Variants in LIPI observed in about 807,000 individuals in gnomAD.
LIPI encodes lipase member I.
A neutral mutation model predicts 50.6 loss-of-function variants in LIPI; 59 were observed. The observed-to-expected ratio is 1.16, with a 90% CI of 0.94 to 1.45. LIPI has a LOEUF of 1.45. Among genes scored for constraint, LIPI ranks in the 40% most tolerant of loss-of-function variants. The probability of loss-of-function intolerance (pLI) is 0.00; values close to 1 mark genes in which losing one functional copy is unlikely to be tolerated. For synonymous variants in LIPI, 203 were observed against 178.2 expected, an observed-to-expected ratio of 1.14 and a Z score of -1.11; for missense variants, 586 against 536.3, an observed-to-expected ratio of 1.09 and a Z score of -0.92.
Position 14,203,484 on chromosome 21 carries a change from C to G in LIPI, c.46+7316G>C, listed in dbSNP as rs1457165242. Among the ~76,000 whole-genome samples, 4 of 152,058 alleles carry G rather than the reference C, an allele frequency of 2.6e-5. No individual in the cohort carries two copies. In the South Asian group the frequency reaches 8.3e-4, roughly 32 times the overall value. On this transcript the variant is annotated intron_variant, in intron 1 of 9. Transcript: ENST00000681601. ...ATTAAGAAAATGTGGCACATATACACCATGGAATACTATGCAGCCATAAAA... is the reference window on the plus strand; with the variant it reads ...ATTAAGAAAATGTGGCACATATACAGCATGGAATACTATGCAGCCATAAAA...
intron 9 of LIPI, among the ~76,000 whole-genome samples, chr21:14,121,594 A>T (rs1196405256): frequency 6.6e-6 from 1 of 152,200 alleles, no homozygotes; most frequent in African/African-American, 2.4e-5. Flanking sequence ...GATGCAATAC[A>T]TCCCTTTAAA....
intron 4 of LIPI, among the ~76,000 whole-genome samples, chr21:14,168,672 T>C (rs1321686298): frequency 6.6e-6 from 1 of 152,070 alleles, no homozygotes; most frequent in Non-Finnish European, 1.5e-5. Flanking sequence ...GCTGAGAGAT[T>C]TTTGTCACCA....
At chr21:14,188,719 T>C (rs964921240) in intron 2 of LIPI, among the ~76,000 whole-genome samples, 5 of 152,112 alleles carry the variant, frequency 3.3e-5, no homozygotes, top group African/African-American at 1.2e-4. Flanking sequence ...GATAACTATT[T>C]TATTCTGAGG....
rs982624793 is a variant in LIPI at position 14,182,827 on chromosome 21, T to G, written c.542-968A>C. Among the ~76,000 whole-genome samples the G allele has an allele frequency of 8.5e-5, 13 of 152,064 alleles. No homozygotes were observed. In the East Asian group the frequency reaches 2.1e-3, roughly 25 times the overall value. ...AGGAGAACTACAAACCACTGCTCAATGAAATAAAAGAGGATACAAACAAAT... is the reference window on the plus strand; with the variant it reads ...AGGAGAACTACAAACCACTGCTCAAGGAAATAAAAGAGGATACAAACAAAT... On this transcript the variant is annotated intron_variant, in intron 3 of 9. Transcript: ENST00000681601.
Position 14,189,199 on chromosome 21 carries a change from G to T in LIPI, c.267C>A (p.Ile89=). ...LIHGYRPVGS[I]PLWLQNFVRI... ...TTACGAAGTTCTGAAGCCATAATGGGATGGAGCCTACTGGTCTGTATCCGT... is the reference window on the plus strand; with the variant it reads ...TTACGAAGTTCTGAAGCCATAATGGTATGGAGCCTACTGGTCTGTATCCGT... The change falls in exon 2 of 10, where the codon ATC becomes ATA. Residue 89 remains isoleucine, a synonymous_variant. Transcript: ENST00000681601. The T allele has an allele frequency of 6.2e-7, 1 of 1,614,070 alleles. No individual in the cohort carries two copies. Among genetic ancestry groups the T allele is most frequent in the Non-Finnish European group, 8.5e-7 (1 of 1,179,978 alleles).
rs1012553714 is a variant in LIPI at position 14,180,073 on chromosome 21, G to A, written c.643+1685C>T. 7.2e-5 allele frequency among the ~76,000 whole-genome samples: 11 copies of A among 152,142 alleles called. No individual in the cohort carries two copies. The East Asian group carries it at 9.7e-4, about 13-fold the overall frequency. On this transcript the variant is annotated intron_variant, in intron 4 of 9. Transcript: ENST00000681601. ...CCTGGGAGGAGATCTATAAATGGCC[G>A]CTCTGGGAATGTCTGTCTTATGTGG... is the stretch of plus-strand genomic sequence containing the variant.
At chr21:14,115,974 C>A (rs73891885) in intron 9 of LIPI, among the ~76,000 whole-genome samples, 7,359 of 151,724 alleles carry the variant, frequency 0.049, 302 homozygotes, top group African/African-American at 0.11. Context: ...AGCTTGCTGG[C>A]AGGGTGACAA....
chr21:14,162,323 G>A (rs1381065735), intron 7 of LIPI, among the ~76,000 whole-genome samples: 6 of 151,588 alleles, frequency 4.0e-5, no homozygotes, highest in Non-Finnish European at 7.4e-5. Context: ...GATGGGGTAC[G>A]TAGTTTTAAA....
At chr21:14,187,074 T>A (rs1274351188) in intron 2 of LIPI, among the ~76,000 whole-genome samples, 3 of 152,198 alleles carry the variant, frequency 2.0e-5, no homozygotes, top group Non-Finnish European at 4.4e-5. Context: ...TCACAAAAGT[T>A]CAATAATGAT....
chr21:14,197,708 T>C (rs2019910255), intron 1 of LIPI, among the ~76,000 whole-genome samples: 1 of 151,888 alleles, frequency 6.6e-6, no homozygotes, highest in Non-Finnish European at 1.5e-5. Context: ...CAGGATATCA[T>C]CCAGAAAAAT....
chr21:14,143,258 T>C (rs1411059818), intron 9 of LIPI, among the ~76,000 whole-genome samples: 2 of 152,136 alleles, frequency 1.3e-5, no homozygotes, highest in African/African-American at 4.8e-5. Flanking sequence ...CTATATACTT[T>C]CATAGGGAAT....
intron 8 of LIPI, among the ~76,000 whole-genome samples, chr21:14,148,250 G>C (rs2017973719): frequency 6.6e-6 from 1 of 151,904 alleles, no homozygotes; most frequent in South Asian, 2.1e-4. Flanking sequence ...ATTCCTGGAT[G>C]GTATAATTAC....
At chr21:14,192,056 C>T (rs2019695439) in intron 1 of LIPI, among the ~76,000 whole-genome samples, 1 of 152,212 alleles carries the variant, frequency 6.6e-6, no homozygotes, top group African/African-American at 2.4e-5. Flanking sequence ...CATCAAATCC[C>T]ACTGAGGGTT....
chr21:14,171,577 C>T (rs2018909023), intron 4 of LIPI, among the ~76,000 whole-genome samples: 1 of 150,594 alleles, frequency 6.6e-6, no homozygotes, highest in Non-Finnish European at 1.5e-5. Context: ...CTACAACTAT[C>T]TGATCTTTGA....
At chr21:14,127,951 G>A (rs1270713000) in intron 9 of LIPI, among the ~76,000 whole-genome samples, 1 of 151,868 alleles carries the variant, frequency 6.6e-6, no homozygotes, top group Non-Finnish European at 1.5e-5. Context: ...AATAATAAAG[G>A]ACACTAAATT....
At chr21:14,109,126 A>G (rs1288326080) in intron 9 of LIPI, 46 bp from the exon 10 acceptor site, 1 of 1,466,216 alleles carries the variant, frequency 6.8e-7, no homozygotes. Flanking sequence ...ACTATTAGTA[A>G]AACAACAGAG....
chr21:14,152,858 AC>A (rs1164360072), intron 7 of LIPI, among the ~76,000 whole-genome samples, 174 bp from the exon 8 acceptor site: 3 of 152,092 alleles, frequency 2.0e-5, no homozygotes, highest in Non-Finnish European at 4.4e-5. Context: ...AATATATTTT[AC>A]CTTTTGTTTG....
chr21:14,166,718 T>G (rs924383012), intron 4 of LIPI, among the ~76,000 whole-genome samples: 2 of 151,946 alleles, frequency 1.3e-5, no homozygotes, highest in Non-Finnish European at 2.9e-5. Flanking sequence ...AAAAAAGAAA[T>G]AGAGAGGGCA....
At chr21:14,119,586 G>C (rs73344086) in intron 9 of LIPI, among the ~76,000 whole-genome samples, 2,203 of 152,288 alleles carry the variant, frequency 0.014, 66 homozygotes, top group African/African-American at 0.05. Flanking sequence ...CGATGAAAGG[G>C]CAGGGAAAGG....
Sources: gnomAD v4.1 joint callset for allele counts (sites outside exome capture counted in the v4.1 genomes callset) on GRCh38, gnomAD v4.1.1 for gene constraint, MANE v1.5 for transcripts, NCBI Gene and HGNC (gene_info 2026-07-23, HGNC 2026-07-21) for gene names.